KLHL18: variants seen among roughly 807,000 people sequenced by gnomAD.
KLHL18 encodes kelch-like protein 18.
In KLHL18, 38 loss-of-function variants were observed where a neutral mutation model predicts 58.5. The ratio of observed to expected loss-of-function variants is 0.65; its 90% CI spans 0.50 to 0.85. The LOEUF is 0.85. KLHL18 is among the 40% of genes least tolerant of loss of function. The pLI is 0.00. For synonymous variants in KLHL18, 303 were observed against 301.9 expected, an observed-to-expected ratio of 1.00 and a Z score of -0.04; for missense variants, 624 against 778.4, an observed-to-expected ratio of 0.80 and a Z score of 2.36.
chr3:47,303,531 T>G (rs1333075521), intron 1 of KLHL18, among the ~76,000 whole-genome samples: 1 of 152,202 alleles, frequency 6.6e-6, no homozygotes, highest in Non-Finnish European at 1.5e-5. Flanking sequence ...TTCATCATCC[T>G]TATCTTCTTG....
intron 1 of KLHL18, among the ~76,000 whole-genome samples, chr3:47,292,924 G>A (rs914110269): frequency 1.4e-5 from 2 of 140,374 alleles, no homozygotes; most frequent in South Asian, 2.3e-4. Context: ...AAAAAAAAAA[G>A]TATATACATA....
chr3:47,330,091 T>G lies in KLHL18; in HGVS notation c.542T>G (p.Leu181Trp). ...SMSEEFLALP[L>W]EDVLELVSRD... ...TCAGAAGAGTTCCTGGCCCTGCCCT[T>G]GGAAGACGTGCTTGAGCTGGTGTCT... The change falls in exon 4 of 10, where the codon TTG (leucine) becomes TGG (tryptophan). Residue 181 changes from leucine to tryptophan, a missense_variant. Leu to Trp is a moderately conservative substitution (Grantham distance 61). Transcript: ENST00000232766. 6.2e-7 allele frequency: 1 copy of G among 1,614,166 alleles called. No individual in the cohort carries two copies. The highest frequency in any genetic ancestry group is 2.2e-5 in the East Asian group (1 of 44,882).
intron 1 of KLHL18, among the ~76,000 whole-genome samples, chr3:47,288,402 G>A (rs1008746056): frequency 2.0e-5 from 3 of 152,102 alleles, no homozygotes; most frequent in African/African-American, 7.2e-5. Flanking sequence ...GTTCTCTCAT[G>A]CTCTCCTGTT....
In KLHL18 at chr3:47,321,168, G is replaced by C. The variant is rs981849390; in HGVS notation, c.260+1385G>C. ...TCTCATTCTGCCAACCTTTTTTTTG[G>C]GGGGAGTGGAGGGGGAGGCAATGGA... On this transcript the variant is annotated intron_variant, in intron 2 of 9. Transcript: ENST00000232766. Among the ~76,000 whole-genome samples, 11 of 151,980 alleles carry C rather than the reference G, an allele frequency of 7.2e-5. No homozygotes were observed. In the East Asian group the frequency reaches 1.7e-3, roughly 24 times the overall value.
intron 3 of KLHL18, among the ~76,000 whole-genome samples, chr3:47,326,034 A>G (rs1576172081): frequency 6.6e-6 from 1 of 150,492 alleles, no homozygotes; most frequent in South Asian, 2.1e-4. Context: ...TGCAACCACC[A>G]CCTCCCAGGT....
At chr3:47,297,828 C>G (rs1214284038) in intron 1 of KLHL18, among the ~76,000 whole-genome samples, 2 of 152,078 alleles carry the variant, frequency 1.3e-5, no homozygotes, top group Non-Finnish European at 2.9e-5. Context: ...GAATATTCAG[C>G]CTGGATGGAG....
chr3:47,343,781 G>C lies in KLHL18; in HGVS notation c.1565G>C (p.Ser522Thr). The stretch of plus-strand genomic sequence containing the variant: ...AGGAGCCGGGTCTCCCTGGTGGCCA[G>C]CTGTGGGCGCCTCTACGCTGTTGGG... ...TRRSRVSLVASCGRLYAVGGY... is the reference protein window; with the variant it reads ...TRRSRVSLVATCGRLYAVGGY... The change falls in exon 10 of 10, where the codon AGC becomes ACC. Residue 522 changes from serine to threonine, a missense_variant. By Grantham distance (58) the Ser-to-Thr change is moderately conservative. Coordinates refer to ENST00000232766, the MANE Select transcript of KLHL18 (RefSeq NM_025010.5). 6.2e-7 allele frequency: 1 copy of C among 1,614,240 alleles called. No homozygotes were observed. Among genetic ancestry groups the C allele is most frequent in the Non-Finnish European group, 8.5e-7 (1 of 1,180,050 alleles).
intron 1 of KLHL18, among the ~76,000 whole-genome samples, chr3:47,299,683 C>T (rs953843634): frequency 6.6e-6 from 1 of 151,822 alleles, no homozygotes; most frequent in East Asian, 1.9e-4. Context: ...AAAAATTAGC[C>T]AGATGTTGTG....
chr3:47,333,718 A>G (rs1703920687), intron 5 of KLHL18, among the ~76,000 whole-genome samples: 1 of 152,212 alleles, frequency 6.6e-6, no homozygotes, highest in Admixed American at 6.5e-5. Context: ...AATATTAGTC[A>G]GTGCTGTGGG....
intron 3 of KLHL18, 87 bp from the exon 4 acceptor site, chr3:47,329,864 T>G: frequency 8.9e-7 from 1 of 1,119,978 alleles, no homozygotes; most frequent in South Asian, 1.3e-5. Context: ...GTTTTCATTC[T>G]GTGGCTCTAC....
intron 2 of KLHL18, among the ~76,000 whole-genome samples, chr3:47,320,647 G>A (rs1703563786): frequency 6.6e-6 from 1 of 152,194 alleles, no homozygotes; most frequent in African/African-American, 2.4e-5. Flanking sequence ...GCCAGGCAAG[G>A]TGGCTCACAC....
At chr3:47,316,689 G>A (rs368095125) in intron 1 of KLHL18, among the ~76,000 whole-genome samples, 17 of 17,458 alleles carry the variant, frequency 9.7e-4, no homozygotes, top group South Asian at 8.2e-3. Context: ...ATATGTGTGT[G>A]TATATATACA....
intron 1 of KLHL18, among the ~76,000 whole-genome samples, chr3:47,302,269 G>A (rs543597047): frequency 6.6e-6 from 1 of 152,172 alleles, no homozygotes; most frequent in Admixed American, 6.5e-5. Context: ...GGCAGATCAT[G>A]AGGTCAAGAG....
intron 1 of KLHL18, among the ~76,000 whole-genome samples, chr3:47,311,451 G>A (rs1230174137): frequency 6.6e-6 from 1 of 152,050 alleles, no homozygotes; most frequent in Non-Finnish European, 1.5e-5. Flanking sequence ...CCAGCACTTT[G>A]GGAGGCCAAG....
chr3:47,298,013 A>C, intron 1 of KLHL18, among the ~76,000 whole-genome samples: 1 of 152,132 alleles, frequency 6.6e-6, no homozygotes, highest in Non-Finnish European at 1.5e-5. Flanking sequence ...GGGGATAAGA[A>C]TCCAACCTGA....
intron 1 of KLHL18, among the ~76,000 whole-genome samples, chr3:47,318,180 C>T (rs888352007): frequency 6.6e-6 from 1 of 152,160 alleles, no homozygotes; most frequent in African/African-American, 2.4e-5. Context: ...AATTTAGTGA[C>T]TTAAAACAAG....
intron 8 of KLHL18, 106 bp downstream of exon 8, chr3:47,340,782 T>C: frequency 7.7e-7 from 1 of 1,300,908 alleles, no homozygotes; most frequent in African/African-American, 1.5e-5. Context: ...AGAGAATGTC[T>C]TACCTTTTTG....
intron 3 of KLHL18, among the ~76,000 whole-genome samples, chr3:47,329,716 G>C (rs758592201): frequency 3.9e-5 from 6 of 152,176 alleles, no homozygotes; most frequent in Non-Finnish European, 7.4e-5. Context: ...TACCCAGAGA[G>C]CTCATTCCAC....
At chr3:47,329,455 G>C (rs1005039598) in intron 3 of KLHL18, among the ~76,000 whole-genome samples, 8 of 152,146 alleles carry the variant, frequency 5.3e-5, no homozygotes, top group Non-Finnish European at 8.8e-5. Flanking sequence ...TCTTGATCTC[G>C]TGACCTCGTG....
Sources: allele counts gnomAD v4.1 joint callset (sites outside exome capture counted in the v4.1 genomes callset), GRCh38; gene constraint gnomAD v4.1.1; transcripts MANE v1.5; gene names NCBI Gene and HGNC (gene_info 2026-07-23, HGNC 2026-07-21).